PLA2G12A: variants seen among roughly 807,000 people sequenced by gnomAD.
PLA2G12A encodes the protein phospholipase A2 group XIIA, also known as group XIIA secretory phospholipase A2.
A neutral mutation model predicts 16.0 loss-of-function variants in PLA2G12A; 11 were observed. The ratio of observed to expected loss-of-function variants is 0.69; its 90% confidence interval spans 0.43 to 1.13. The LOEUF is 1.13. PLA2G12A is among the 50% of genes most tolerant of loss of function. The pLI is 0.00. For synonymous variants in PLA2G12A, 77 were observed against 93.8 expected (o/e 0.82, Z 1.03); for missense variants, 214 against 237.3 (o/e 0.90, Z 0.65).
chr4:109,722,090 A>G (rs1730955432), intron 1 of PLA2G12A, among the ~76,000 whole-genome samples: 1 of 152,236 alleles, frequency 6.6e-6, no homozygotes, highest in South Asian at 2.1e-4. Flanking sequence ...TTCTGCTCAG[A>G]GACGCTTTAA....
intron 3 of PLA2G12A, among the ~76,000 whole-genome samples, chr4:109,717,287 G>A (rs1238872045): frequency 3.0e-4 from 45 of 152,064 alleles, no homozygotes; most frequent in Admixed American, 2.9e-3. Flanking sequence ...ATATTTTAGG[G>A]CACAAGGTAG....
chr4:109,724,682 T>C (rs1183422324), intron 1 of PLA2G12A, among the ~76,000 whole-genome samples: 1 of 152,014 alleles, frequency 6.6e-6, no homozygotes, highest in Admixed American at 6.6e-5. Flanking sequence ...TCAGAAAAAC[T>C]AAAAACATGC....
intron 1 of PLA2G12A, among the ~76,000 whole-genome samples, chr4:109,724,146 A>G (rs945110741): frequency 7.9e-5 from 12 of 152,074 alleles, no homozygotes; most frequent in African/African-American, 2.9e-4. Context: ...TTTTTCTGAG[A>G]CTGAGTTTTG....
intron 1 of PLA2G12A, among the ~76,000 whole-genome samples, chr4:109,724,599 G>A (rs562049963): frequency 1.3e-5 from 2 of 152,212 alleles, no homozygotes; most frequent in South Asian, 2.1e-4. Context: ...GTATGCATGC[G>A]TGTACATATA....
chr4:109,721,556 G>A (rs1030786175), intron 1 of PLA2G12A, among the ~76,000 whole-genome samples: 27 of 151,942 alleles, frequency 1.8e-4, no homozygotes, highest in Non-Finnish European at 3.8e-4. Context: ...TCCTGACCTC[G>A]TGATCCACCC....
intron 3 of PLA2G12A, among the ~76,000 whole-genome samples, chr4:109,715,631 G>T (rs1252183586): frequency 6.6e-6 from 1 of 151,852 alleles, no homozygotes; most frequent in African/African-American, 2.4e-5. Context: ...GACTATAGGC[G>T]CCTGGCTAAT....
intron 3 of PLA2G12A, among the ~76,000 whole-genome samples, chr4:109,717,076 G>A (rs1006128138): frequency 1.3e-4 from 20 of 152,280 alleles, no homozygotes; most frequent in African/African-American, 7.2e-5. Flanking sequence ...CATCTGCTAC[G>A]AACTAGAAAA....
chr4:109,719,535 T>A (rs1460735093), intron 1 of PLA2G12A, among the ~76,000 whole-genome samples: 4 of 152,194 alleles, frequency 2.6e-5, no homozygotes, highest in Admixed American at 2.6e-4. Flanking sequence ...GATGACATTA[T>A]CATAGCAATC....
intron 1 of PLA2G12A, among the ~76,000 whole-genome samples, chr4:109,727,792 C>T (rs952423377): frequency 2.0e-5 from 3 of 152,040 alleles, no homozygotes; most frequent in Admixed American, 2.0e-4. Flanking sequence ...AGAGGGAGAC[C>T]TTGCCTCAAA....
intron 1 of PLA2G12A, among the ~76,000 whole-genome samples, chr4:109,724,466 C>T (rs937770647): frequency 6.6e-5 from 10 of 151,966 alleles, no homozygotes; most frequent in African/African-American, 2.4e-4. Flanking sequence ...GTACATACAA[C>T]AGCAGTACTT....
chr4:109,727,093 G>A (rs1261050992), intron 1 of PLA2G12A, among the ~76,000 whole-genome samples: 2 of 151,670 alleles, frequency 1.3e-5, no homozygotes, highest in African/African-American at 2.4e-5. Flanking sequence ...GAGACTGCTC[G>A]AGTAACAGCA....
intron 1 of PLA2G12A, among the ~76,000 whole-genome samples, chr4:109,724,893 G>A (rs1248751693): frequency 6.6e-6 from 1 of 152,116 alleles, no homozygotes; most frequent in Non-Finnish European, 1.5e-5. Context: ...ATAACACCAT[G>A]AAATAAATGC....
chr4:109,729,475 T>G (rs1162608021), intron 1 of PLA2G12A, 127 bp downstream of exon 1: 2 of 1,026,062 alleles, frequency 1.9e-6, no homozygotes, highest in Admixed American at 2.7e-5. Context: ...TAGCAGTGGT[T>G]AAGTTTTTCC....
chr4:109,722,546 C>T (rs1722818218), intron 1 of PLA2G12A, among the ~76,000 whole-genome samples: 1 of 152,202 alleles, frequency 6.6e-6, no homozygotes, highest in Non-Finnish European at 1.5e-5. Context: ...TAGAAGGTGC[C>T]ATCTATGAAC....
At chr4:109,723,536 T>G (rs1313334361) in intron 1 of PLA2G12A, among the ~76,000 whole-genome samples, 2 of 152,228 alleles carry the variant, frequency 1.3e-5, no homozygotes, top group African/African-American at 4.8e-5. Context: ...AGGAGTATCA[T>G]GAGAAACTAT....
chr4:109,718,095 G>A (rs1241418292), intron 2 of PLA2G12A, among the ~76,000 whole-genome samples: 1 of 152,128 alleles, frequency 6.6e-6, no homozygotes, highest in African/African-American at 2.4e-5. Context: ...AAGTGTTTGT[G>A]GCCTCTCCTT....
At chr4:109,721,984 C>T (rs1358402483) in intron 1 of PLA2G12A, among the ~76,000 whole-genome samples, 4 of 152,130 alleles carry the variant, frequency 2.6e-5, no homozygotes, top group Admixed American at 2.0e-4. Context: ...TAACTATTTG[C>T]CCTACTTTGG....
chr4:109,721,802 C>A (rs1561272575), intron 1 of PLA2G12A, among the ~76,000 whole-genome samples: 1 of 152,018 alleles, frequency 6.6e-6, no homozygotes, highest in African/African-American at 2.4e-5. Flanking sequence ...ATGCTCAGAG[C>A]AAAAATGTCA....
chr4:109,727,907 T>C (rs1228653060), intron 1 of PLA2G12A, among the ~76,000 whole-genome samples: 1 of 152,250 alleles, frequency 6.6e-6, no homozygotes, highest in Non-Finnish European at 1.5e-5. Flanking sequence ...TCTAGAACCC[T>C]AGACTAATAA....
Sources: gnomAD v4.1 joint callset for allele counts (sites outside exome capture counted in the v4.1 genomes callset) on GRCh38, gnomAD v4.1.1 for gene constraint, MANE v1.5 for transcripts, NCBI Gene and HGNC (gene_info 2026-07-23, HGNC 2026-07-21) for gene names.